The following FIRRM variants were observed in gnomAD, a reference collection of about 807,000 sequenced individuals.
The protein encoded by FIRRM is FIGNL1 interacting regulator of recombination and mitosis.
the FIRRM span, among the ~76,000 whole-genome samples, chr1:169,841,391 A>G: frequency 3.3e-5 from 5 of 152,156 alleles, no homozygotes; most frequent in Non-Finnish European, 7.4e-5. Flanking sequence ...GAACATGTTT[A>G]TTTGTAAAAG....
the FIRRM span, chr1:169,798,880 C>G: frequency 8.3e-7 from 1 of 1,212,080 alleles, no homozygotes; most frequent in Non-Finnish European, 1.1e-6. Flanking sequence ...AATGAATACC[C>G]TATTACTATG....
the FIRRM span, among the ~76,000 whole-genome samples, chr1:169,835,221 G>A: frequency 0.63 from 96,046 of 151,974 alleles, 30,742 homozygotes; most frequent in Middle Eastern, 0.77. Flanking sequence ...GTTAATCCCA[G>A]TATGGTGATG....
chr1:169,842,662 T>C, the FIRRM span: 2 of 1,126,316 alleles, frequency 1.8e-6, no homozygotes, highest in Non-Finnish European at 2.5e-6. Context: ...TTGGTAGACC[T>C]TTATAAGAAC....
At chr1:169,795,044 C>T in the FIRRM span, 3 of 1,372,196 alleles carry the variant, frequency 2.2e-6, no homozygotes, top group Admixed American at 2.0e-5. Context: ...GGCGGGACTG[C>T]GAGTTTCCGG....
chr1:169,844,307 G>A, the FIRRM span, among the ~76,000 whole-genome samples: 1 of 152,188 alleles, frequency 6.6e-6, no homozygotes, highest in Non-Finnish European at 1.5e-5. Context: ...CCTTTCTTTT[G>A]GAAGTTCTAA....
chr1:169,805,435 G>T, the FIRRM span, among the ~76,000 whole-genome samples: 2 of 152,268 alleles, frequency 1.3e-5, no homozygotes, highest in East Asian at 1.9e-4. Flanking sequence ...GTGTGAGCAG[G>T]TCGCTGTGTG....
chr1:169,844,934 G>A, the FIRRM span, among the ~76,000 whole-genome samples: 2 of 152,064 alleles, frequency 1.3e-5, no homozygotes, highest in African/African-American at 2.4e-5. Flanking sequence ...TTCAGCCCAA[G>A]AGCTAGGCAT....
the FIRRM span, among the ~76,000 whole-genome samples, chr1:169,846,937 T>C: frequency 6.6e-6 from 1 of 152,294 alleles, no homozygotes; most frequent in African/African-American, 2.4e-5. Context: ...TAGCTTTTGA[T>C]TTAAAGTGAG....
chr1:169,788,264 T>TA, the FIRRM span, among the ~76,000 whole-genome samples: 1 of 152,170 alleles, frequency 6.6e-6, no homozygotes, highest in Non-Finnish European at 1.5e-5. Context: ...CCTGAGACAG[T>TA]AAGATCAATC....
At chr1:169,841,358 C>T in the FIRRM span, among the ~76,000 whole-genome samples, 27 of 152,078 alleles carry the variant, frequency 1.8e-4, no homozygotes, top group African/African-American at 6.3e-4. Context: ...TTGCTAGTAT[C>T]GTTTTGAGGA....
chr1:169,797,071 T>G, the FIRRM span, among the ~76,000 whole-genome samples: 1 of 152,224 alleles, frequency 6.6e-6, no homozygotes, highest in Non-Finnish European at 1.5e-5. Context: ...TGTTGCAAAG[T>G]TCATAAAGGC....
chr1:169,831,303 A>G, the FIRRM span, among the ~76,000 whole-genome samples: 1 of 152,148 alleles, frequency 6.6e-6, no homozygotes, highest in African/African-American at 2.4e-5. Flanking sequence ...GAGGTGTTTT[A>G]TGTGTTCCAT....
chr1:169,807,867 A>T, the FIRRM span: 1 of 1,610,546 alleles, frequency 6.2e-7, no homozygotes, highest in Non-Finnish European at 8.5e-7. Flanking sequence ...GTGTGAAGAC[A>T]TTCTTTTCTC....
chr1:169,852,773 T>TTA, the FIRRM span: 1 of 1,612,430 alleles, frequency 6.2e-7, no homozygotes, highest in Non-Finnish European at 8.5e-7. Context: ...GTGATATTAC[T>TTA]TATGTTTTTT....
the FIRRM span, chr1:169,852,807 T>C: frequency 1.9e-6 from 3 of 1,613,968 alleles, no homozygotes; most frequent in Non-Finnish European, 2.5e-6. Context: ...CAAAAAGAGC[T>C]CGTCAGGAGT....
the FIRRM span, among the ~76,000 whole-genome samples, chr1:169,836,518 A>G: frequency 2.0e-5 from 3 of 152,218 alleles, no homozygotes; most frequent in Non-Finnish European, 2.9e-5. Flanking sequence ...ATCAAGTGAG[A>G]TAACAGTAAG....
At chr1:169,852,808 C>T in the FIRRM span, 47 of 1,613,812 alleles carry the variant, frequency 2.9e-5, no homozygotes, top group Non-Finnish European at 3.4e-5. Context: ...AAAAAGAGCT[C>T]GTCAGGAGTT....
At chr1:169,852,912 C>T in the FIRRM span, 7 of 1,614,110 alleles carry the variant, frequency 4.3e-6, no homozygotes, top group Non-Finnish European at 5.9e-6. Context: ...CTGCTCCAGC[C>T]TGGCTTTCAA....
At chr1:169,845,629 AG>A in the FIRRM span, among the ~76,000 whole-genome samples, 7 of 152,232 alleles carry the variant, frequency 4.6e-5, no homozygotes, top group Admixed American at 1.3e-4. Context: ...CTTCTATACC[AG>A]GAGTAGTTAT....
Sources: allele counts gnomAD v4.1 joint callset (sites outside exome capture counted in the v4.1 genomes callset), GRCh38; gene constraint gnomAD v4.1.1; transcripts MANE v1.5; gene names NCBI Gene and HGNC (gene_info 2026-07-23, HGNC 2026-07-21).